The following RBMS3 variants were observed in gnomAD, a reference collection of about 807,000 sequenced individuals.
RBMS3 encodes the protein RNA binding motif single stranded interacting protein 3, also known as RNA-binding motif, single-stranded-interacting protein 3.
In RBMS3, 27 loss-of-function variants were observed where a neutral mutation model predicts 66.8. The ratio of observed to expected loss-of-function variants is 0.40; its 90% confidence interval spans 0.30 to 0.56. The LOEUF (loss-of-function observed/expected upper bound fraction) is 0.56. Among genes scored for constraint, RBMS3 ranks in the 20% least tolerant of loss-of-function variants. The pLI is 0.40. For synonymous variants in RBMS3, 188 were observed against 183.0 expected (o/e 1.03, Z -0.22); for missense variants, 513 against 549.5 (o/e 0.93, Z 0.66).
At chr3:29,473,638 C>G (rs2042835819) in intron 2 of RBMS3, among the ~76,000 whole-genome samples, 2 of 152,230 alleles carry the variant, frequency 1.3e-5, no homozygotes, top group Non-Finnish European at 1.5e-5. Context: ...AGGTCCCGAG[C>G]CCTGCCCCTC....
chr3:29,381,103 T>G (rs190844968), intron 1 of RBMS3, among the ~76,000 whole-genome samples: 33 of 152,318 alleles, frequency 2.2e-4, no homozygotes, highest in African/African-American at 7.0e-4. Context: ...ATTTTTTTCT[T>G]ACCTCTTGCA....
At chr3:29,747,154 T>C (rs1313178417) in intron 5 of RBMS3, among the ~76,000 whole-genome samples, 4 of 152,250 alleles carry the variant, frequency 2.6e-5, no homozygotes, top group African/African-American at 9.6e-5. Flanking sequence ...CAATATCATT[T>C]GAGCCTCTTT....
intron 4 of RBMS3, among the ~76,000 whole-genome samples, chr3:29,595,794 G>A (rs2047924809): frequency 6.6e-6 from 1 of 152,180 alleles, no homozygotes; most frequent in Non-Finnish European, 1.5e-5. Flanking sequence ...TCTTTCAATA[G>A]CGAATGTCAA....
chr3:29,880,686 C>T, intron 7 of RBMS3: 1 of 1,201,798 alleles, frequency 8.3e-7, no homozygotes. Context: ...TAAGTTCAAA[C>T]AACCCTTTGC....
At chr3:29,761,510 C>A (rs1377771942) in intron 5 of RBMS3, among the ~76,000 whole-genome samples, 1 of 152,104 alleles carries the variant, frequency 6.6e-6, no homozygotes, top group Non-Finnish European at 1.5e-5. Context: ...CAGCCCCCTG[C>A]CCTAATTACT....
chr3:29,365,952 ACC>A (rs2037877888), intron 1 of RBMS3, among the ~76,000 whole-genome samples: 1 of 152,128 alleles, frequency 6.6e-6, no homozygotes, highest in African/African-American at 2.4e-5. Flanking sequence ...CTCTCTGGGA[ACC>A]TCATATTTGA....
intron 2 of RBMS3, among the ~76,000 whole-genome samples, chr3:29,477,136 T>TAA (rs1273222011): frequency 6.6e-6 from 1 of 152,058 alleles, no homozygotes; most frequent in Non-Finnish European, 1.5e-5. Flanking sequence ...ACAAATTTCA[T>TAA]AAAGTATTTT....
At chr3:29,909,787 TG>T (rs1249803845) in intron 10 of RBMS3, among the ~76,000 whole-genome samples, 3 of 152,078 alleles carry the variant, frequency 2.0e-5, no homozygotes, top group Non-Finnish European at 4.4e-5. Context: ...GGGGCATGTG[TG>T]TGGTATGTGT....
intron 4 of RBMS3, chr3:29,641,098 G>A (rs889918332): frequency 4.6e-5 from 7 of 151,882 alleles, no homozygotes; most frequent in East Asian, 1.9e-4. Context: ...TCTCACCTCC[G>A]AAGCAAGCGA....
intron 9 of RBMS3, among the ~76,000 whole-genome samples, chr3:29,899,015 TGTGA>T (rs1024332444): frequency 2.0e-5 from 3 of 151,600 alleles, no homozygotes; most frequent in African/African-American, 7.3e-5. Flanking sequence ...ATTCTGTGTG[TGTGA>T]GTATATAAAA....
chr3:29,724,959 G>C (rs7638850), intron 4 of RBMS3, among the ~76,000 whole-genome samples: 50,001 of 151,940 alleles, frequency 0.33, 8,408 homozygotes, highest in South Asian at 0.42. Context: ...AGCTCAAGGG[G>C]TGACATACAC....
At chr3:29,934,591 G>T (rs2061217320) in intron 10 of RBMS3, among the ~76,000 whole-genome samples, 1 of 152,150 alleles carries the variant, frequency 6.6e-6, no homozygotes, top group Non-Finnish European at 1.5e-5. Flanking sequence ...GCATCCTGAT[G>T]AATGACAATG....
intron 2 of RBMS3, among the ~76,000 whole-genome samples, chr3:29,459,800 A>G: frequency 6.6e-6 from 1 of 152,220 alleles, no homozygotes; most frequent in Non-Finnish European, 1.5e-5. Context: ...GGGTAAGTAC[A>G]GTAGAGAATT....
At chr3:29,978,625 T>C (rs1697757556) in intron 12 of RBMS3, among the ~76,000 whole-genome samples, 3 of 151,830 alleles carry the variant, frequency 2.0e-5, no homozygotes, top group Non-Finnish European at 4.4e-5. Context: ...TTAGGTTGTC[T>C]GAATATAAAG....
intron 8 of RBMS3, among the ~76,000 whole-genome samples, chr3:29,888,739 T>C (rs544892708): frequency 9.9e-5 from 15 of 151,838 alleles, no homozygotes; most frequent in African/African-American, 3.4e-4. Context: ...AATTTTGTTT[T>C]CCTCTGTTTT....
intron 3 of RBMS3, among the ~76,000 whole-genome samples, chr3:29,556,002 A>T (rs2046349228): frequency 6.6e-6 from 1 of 152,248 alleles, no homozygotes; most frequent in Non-Finnish European, 1.5e-5. Context: ...TTTGAAATAT[A>T]TCATTTGGGA....
intron 3 of RBMS3, among the ~76,000 whole-genome samples, chr3:29,546,285 G>A (rs2045945999): frequency 6.6e-6 from 1 of 152,090 alleles, no homozygotes; most frequent in African/African-American, 2.4e-5. Context: ...GGAACAGAAT[G>A]AGGCATAGAG....
intron 12 of RBMS3, among the ~76,000 whole-genome samples, chr3:29,944,515 AAGAT>A (rs1695164484): frequency 6.6e-6 from 1 of 151,784 alleles, no homozygotes; most frequent in South Asian, 2.1e-4. Flanking sequence ...GGATACACAG[AAGAT>A]AGAGTCTGTG....
chr3:29,369,011 A>G (rs775525996), intron 1 of RBMS3, among the ~76,000 whole-genome samples: 1 of 152,174 alleles, frequency 6.6e-6, no homozygotes, highest in Non-Finnish European at 1.5e-5. Flanking sequence ...TGTCCTTTGC[A>G]GGAACATGGA....
Sources: gnomAD v4.1 joint callset for allele counts (sites outside exome capture counted in the v4.1 genomes callset) on GRCh38, gnomAD v4.1.1 for gene constraint, MANE v1.5 for transcripts, NCBI Gene and HGNC (gene_info 2026-07-23, HGNC 2026-07-21) for gene names.